Variants in EIF2B3 observed in about 807,000 individuals in gnomAD.
EIF2B3 encodes the protein eukaryotic translation initiation factor 2B subunit gamma.
In EIF2B3, 20 loss-of-function variants were observed where a neutral mutation model predicts 54.1. The ratio of observed to expected loss-of-function variants is 0.37; its 90% confidence interval spans 0.26 to 0.54. The LOEUF is 0.54. EIF2B3 is among the 20% of genes least tolerant of loss of function. EIF2B3 has a pLI of 0.86. For missense variants in EIF2B3, 448 were observed against 547.8 expected (o/e 0.82, Z 1.82); for synonymous variants, 153 against 188.1 (o/e 0.81, Z 1.52).
chr1:44,851,049 T>G (rs1488086621), intron 11 of EIF2B3, 46 bp from the exon 12 acceptor site: 1 of 1,598,848 alleles, frequency 6.3e-7, no homozygotes, highest in East Asian at 2.2e-5. Flanking sequence ...GGCAGCAAGA[T>G]GACATTTCAA....
In EIF2B3 at chr1:44,874,678, C is replaced by A; in HGVS notation, c.1202G>T (p.Gly401Val). The change falls in exon 10 of 12, where the codon GGA becomes GTA. Residue 401 changes from glycine to valine, a missense_variant and splice_region_variant. By Grantham distance (109) the Gly-to-Val change is moderately radical. Coordinates refer to ENST00000360403, the MANE Select transcript of EIF2B3 (RefSeq NM_020365.5). ...CAAGTGGGTACAGGGGGAAACATACCCTTCCTCCACAGTGACTGAGTTCAT... is the reference window on the plus strand; with the variant it reads ...CAAGTGGGTACAGGGGGAAACATACACTTCCTCCACAGTGACTGAGTTCAT... ...LLMNSVTVEE[G>V]SNIQGSVICN... 6.2e-7 allele frequency: 1 copy of A among 1,613,952 alleles called. No homozygotes were observed. The highest frequency in any genetic ancestry group is 8.5e-7 in the Non-Finnish European group (1 of 1,179,952).
intron 7 of EIF2B3, among the ~76,000 whole-genome samples, chr1:44,880,909 C>CA (rs771503134): frequency 6.6e-6 from 1 of 151,696 alleles, no homozygotes; most frequent in East Asian, 1.9e-4. Flanking sequence ...TGCAGTGAGC[C>CA]GAGATTGCGC....
chr1:44,854,009 T>G (rs980713585), intron 11 of EIF2B3, among the ~76,000 whole-genome samples: 1 of 150,688 alleles, frequency 6.6e-6, no homozygotes, highest in Non-Finnish European at 1.5e-5. Flanking sequence ...TTTTTTTTGT[T>G]TTTTTTTTTT....
chr1:44,880,064 T>C, intron 7 of EIF2B3, 56 bp from the exon 8 acceptor site: 1 of 1,577,988 alleles, frequency 6.3e-7, no homozygotes, highest in Non-Finnish European at 8.7e-7. Context: ...ACAGAACAGA[T>C]ACAGACTCAG....
At chr1:44,965,346 A>G (rs1193102507) in intron 3 of EIF2B3, among the ~76,000 whole-genome samples, 1 of 152,194 alleles carries the variant, frequency 6.6e-6, no homozygotes, top group East Asian at 1.9e-4. Context: ...ATCTACATAT[A>G]AAATTCTACA....
chr1:44,922,960 G>A (rs559436970), intron 5 of EIF2B3, among the ~76,000 whole-genome samples: 11 of 146,478 alleles, frequency 7.5e-5, no homozygotes, highest in East Asian at 2.1e-4. Flanking sequence ...CTTCTCATGC[G>A]TTAGCCTCCC....
chr1:44,966,818 T>C (rs545875902), intron 3 of EIF2B3, among the ~76,000 whole-genome samples: 4 of 152,238 alleles, frequency 2.6e-5, no homozygotes, highest in South Asian at 2.1e-4. Context: ...ATGAAATCCA[T>C]AGACTAATAT....
intron 3 of EIF2B3, among the ~76,000 whole-genome samples, chr1:44,962,204 A>T (rs6696959): frequency 0.06 from 8,760 of 146,440 alleles, 919 homozygotes; most frequent in African/African-American, 0.21. Context: ...ATCATCATCA[A>T]CATCATCATC....
chr1:44,888,008 C>A (rs752405758), intron 6 of EIF2B3, among the ~76,000 whole-genome samples: 1 of 152,174 alleles, frequency 6.6e-6, no homozygotes, highest in Non-Finnish European at 1.5e-5. Context: ...AAACAGTCTG[C>A]AGCACCAATT....
intron 5 of EIF2B3, among the ~76,000 whole-genome samples, chr1:44,900,416 C>T (rs1023441755): frequency 7.5e-6 from 1 of 133,876 alleles, no homozygotes. Flanking sequence ...CACTGCACTC[C>T]AGCCTGGGCA....
chr1:44,887,290 T>C (rs1351052894), intron 6 of EIF2B3, among the ~76,000 whole-genome samples: 1 of 152,160 alleles, frequency 6.6e-6, no homozygotes, highest in Admixed American at 6.5e-5. Flanking sequence ...ACTGTAGGGG[T>C]TGTAAAATTT....
chr1:44,978,602 T>G (rs1417881485), intron 2 of EIF2B3, 142 bp from the exon 3 acceptor site: 2 of 540,176 alleles, frequency 3.7e-6, no homozygotes, highest in East Asian at 3.7e-5. Flanking sequence ...ATATTTTACC[T>G]GCATTCCCCC....
At chr1:44,898,057 C>T (rs1298244987) in intron 5 of EIF2B3, among the ~76,000 whole-genome samples, 1 of 152,068 alleles carries the variant, frequency 6.6e-6, no homozygotes, top group East Asian at 1.9e-4. Flanking sequence ...TTCCTACACA[C>T]AATTCTTATA....
intron 5 of EIF2B3, among the ~76,000 whole-genome samples, chr1:44,919,899 T>TTTTTTTTTTTTTTTTTG (rs1643702828): frequency 6.7e-6 from 1 of 150,224 alleles, no homozygotes; most frequent in African/African-American, 2.4e-5. Flanking sequence ...TTTTTTTTTT[T>TTTTTTTTTTTTTTTTTG]TTAGTAGATA....
intron 1 of EIF2B3, among the ~76,000 whole-genome samples, chr1:44,981,797 G>C (rs264021): frequency 0.31 from 46,981 of 151,600 alleles, 8,135 homozygotes; most frequent in African/African-American, 0.45. Context: ...ATTAGCCAGG[G>C]GTGGTGGCTT....
At chr1:44,873,291 A>C (rs995521692) in intron 10 of EIF2B3, among the ~76,000 whole-genome samples, 3 of 152,038 alleles carry the variant, frequency 2.0e-5, no homozygotes, top group Non-Finnish European at 4.4e-5. Flanking sequence ...CCCAGAGGCA[A>C]CTCTTTTAAT....
chr1:44,851,849 A>G (rs914969266), intron 11 of EIF2B3, among the ~76,000 whole-genome samples: 2 of 152,202 alleles, frequency 1.3e-5, no homozygotes, highest in Non-Finnish European at 2.9e-5. Flanking sequence ...TATTATTTCT[A>G]TAAAGGTCAA....
chr1:44,967,911 G>A (rs184134923), intron 3 of EIF2B3, among the ~76,000 whole-genome samples: 16 of 152,084 alleles, frequency 1.1e-4, no homozygotes, highest in South Asian at 2.1e-4. Flanking sequence ...GGTGGCACAT[G>A]CCTGTAATCC....
intron 5 of EIF2B3, among the ~76,000 whole-genome samples, chr1:44,897,956 G>A (rs977884020): frequency 2.0e-5 from 3 of 151,868 alleles, no homozygotes; most frequent in East Asian, 3.9e-4. Context: ...GGCTGGTCTC[G>A]AACTCCTGGT....
Sources: gnomAD v4.1 joint callset for allele counts (sites outside exome capture counted in the v4.1 genomes callset) on GRCh38, gnomAD v4.1.1 for gene constraint, MANE v1.5 for transcripts, NCBI Gene and HGNC (gene_info 2026-07-23, HGNC 2026-07-21) for gene names.